Variants in FRMD4A observed in about 807,000 individuals in gnomAD.
The protein encoded by FRMD4A is FERM domain-containing protein 4A.
Under a neutral mutation model 129.1 loss-of-function variants are expected in FRMD4A, and 29 were observed. That is an observed-to-expected ratio of 0.22 (90% CI 0.17 to 0.31). The LOEUF is 0.31. Ranked by LOEUF, FRMD4A falls within the 10% of genes least tolerant of loss-of-function variation. The probability of loss-of-function intolerance (pLI) is 1.00; values close to 1 mark genes in which losing one functional copy is unlikely to be tolerated. For synonymous variants in FRMD4A, 634 were observed against 571.6 expected, an observed-to-expected ratio of 1.11 and a Z score of -1.56; for missense variants, 1,272 against 1,375.8, an observed-to-expected ratio of 0.92 and a Z score of 1.19.
intron 2 of FRMD4A, among the ~76,000 whole-genome samples, chr10:13,885,778 G>C (rs1180057377): frequency 6.6e-6 from 1 of 152,146 alleles, no homozygotes; most frequent in Non-Finnish European, 1.5e-5. Context: ...TGTGCTACTG[G>C]TCACTCTGCA....
chr10:13,676,835 A>G (rs2084050306), intron 15 of FRMD4A, among the ~76,000 whole-genome samples: 1 of 152,204 alleles, frequency 6.6e-6, no homozygotes, highest in Non-Finnish European at 1.5e-5. Flanking sequence ...TTCTCCATCA[A>G]TCAATGCAAT....
At chr10:13,884,733 A>ACT (rs1320677386) in intron 2 of FRMD4A, among the ~76,000 whole-genome samples, 3 of 151,832 alleles carry the variant, frequency 2.0e-5, no homozygotes, top group Admixed American at 2.0e-4. Context: ...CAGCTAGAAG[A>ACT]CTCTATTACA....
chr10:14,235,303 C>T (rs147933418), intron 2 of FRMD4A, among the ~76,000 whole-genome samples: 14,037 of 138,848 alleles, frequency 0.1, 3,129 homozygotes, highest in Non-Finnish European at 0.14. Flanking sequence ...TGCCCGCCAC[C>T]ATGCCCAGCT....
intron 2 of FRMD4A, among the ~76,000 whole-genome samples, chr10:14,288,074 C>A (rs1038279973): frequency 6.6e-6 from 1 of 152,062 alleles, no homozygotes; most frequent in Non-Finnish European, 1.5e-5. Context: ...AAGACACTGG[C>A]CCTGAGAAGA....
chr10:13,706,781 AGC>A (rs1354931874), intron 13 of FRMD4A, among the ~76,000 whole-genome samples: 7 of 78,506 alleles, frequency 8.9e-5, no homozygotes, highest in South Asian at 4.9e-4. Flanking sequence ...CACACACACG[AGC>A]CAGGGACACA....
intron 2 of FRMD4A, among the ~76,000 whole-genome samples, chr10:14,304,341 G>A (rs1846277955): frequency 6.6e-6 from 1 of 152,158 alleles, no homozygotes; most frequent in Non-Finnish European, 1.5e-5. Flanking sequence ...CCTGATGGGT[G>A]TGAAGTGACA....
At chr10:13,681,799 C>T (rs2084617982) in intron 15 of FRMD4A, among the ~76,000 whole-genome samples, 2 of 152,032 alleles carry the variant, frequency 1.3e-5, no homozygotes. Context: ...TGTTTCCTCC[C>T]CTGTAAAATG....
At chr10:14,129,110 C>T (rs1462524356) in intron 2 of FRMD4A, among the ~76,000 whole-genome samples, 1 of 151,938 alleles carries the variant, frequency 6.6e-6, no homozygotes, top group African/African-American at 2.4e-5. Flanking sequence ...CTTCTCCAAA[C>T]CCATGACTTG....
chr10:13,906,526 A>G (rs1015243862), intron 2 of FRMD4A, among the ~76,000 whole-genome samples: 2 of 152,198 alleles, frequency 1.3e-5, no homozygotes, highest in African/African-American at 4.8e-5. Context: ...ATGTTAAATA[A>G]AATATATGCT....
chr10:13,946,809 T>A (rs1434133663), intron 2 of FRMD4A, among the ~76,000 whole-genome samples: 2 of 152,194 alleles, frequency 1.3e-5, no homozygotes, highest in African/African-American at 4.8e-5. Context: ...TCTGTCTCCA[T>A]GTGTCTATCT....
At chr10:13,952,122 T>C (rs1345156706) in intron 2 of FRMD4A, among the ~76,000 whole-genome samples, 1 of 140,828 alleles carries the variant, frequency 7.1e-6, no homozygotes, top group African/African-American at 2.9e-5. Context: ...CCCCATGATG[T>C]ATGTTTTTTT....
intron 2 of FRMD4A, among the ~76,000 whole-genome samples, chr10:14,238,743 C>T (rs1202795505): frequency 6.6e-6 from 1 of 152,040 alleles, no homozygotes; most frequent in Admixed American, 6.6e-5. Context: ...TCCATGTGTT[C>T]TCACTGTTCA....
chr10:13,899,446 A>G (rs1374865037), intron 2 of FRMD4A, among the ~76,000 whole-genome samples: 1 of 152,130 alleles, frequency 6.6e-6, no homozygotes, highest in Non-Finnish European at 1.5e-5. Context: ...TGGGATTCCT[A>G]TGAGGTGGAA....
intron 2 of FRMD4A, among the ~76,000 whole-genome samples, chr10:14,208,418 T>C (rs1367611783): frequency 6.6e-6 from 1 of 152,060 alleles, no homozygotes; most frequent in Admixed American, 6.6e-5. Flanking sequence ...ACTCCCGCCT[T>C]ACTCATATGC....
intron 2 of FRMD4A, among the ~76,000 whole-genome samples, chr10:14,076,523 C>T (rs868559232): frequency 3.3e-5 from 5 of 151,956 alleles, no homozygotes; most frequent in South Asian, 2.1e-4. Flanking sequence ...GCCTGTAGTC[C>T]CAGCTACTCG....
chr10:14,201,276 C>T (rs527466331), intron 2 of FRMD4A, among the ~76,000 whole-genome samples: 1 of 152,356 alleles, frequency 6.6e-6, no homozygotes, highest in Admixed American at 6.5e-5. Context: ...CTTTGATTCC[C>T]TGCTGCCCTT....
chr10:14,211,106 C>G (rs907537312), intron 2 of FRMD4A, among the ~76,000 whole-genome samples: 2 of 152,076 alleles, frequency 1.3e-5, no homozygotes, highest in African/African-American at 4.8e-5. Flanking sequence ...AGGTTCCTAT[C>G]CCCCCATCTC....
chr10:14,125,251 A>T (rs1838768389), intron 2 of FRMD4A, among the ~76,000 whole-genome samples: 1 of 152,156 alleles, frequency 6.6e-6, no homozygotes, highest in Non-Finnish European at 1.5e-5. Flanking sequence ...TAACAATATT[A>T]AACAATTACA....
chr10:13,820,917 C>T (rs1337460552), intron 3 of FRMD4A, among the ~76,000 whole-genome samples: 2 of 152,312 alleles, frequency 1.3e-5, no homozygotes, highest in Admixed American at 6.5e-5. Flanking sequence ...GGCCCGTCTG[C>T]CCCCATCTCT....
Sources: gnomAD v4.1 joint callset for allele counts (sites outside exome capture counted in the v4.1 genomes callset) on GRCh38, gnomAD v4.1.1 for gene constraint, MANE v1.5 for transcripts, NCBI Gene and HGNC (gene_info 2026-07-23, HGNC 2026-07-21) for gene names.